Variants in FOXP1 observed in about 807,000 individuals in gnomAD.
FOXP1 encodes forkhead box P1.
Under a neutral mutation model 98.2 loss-of-function variants are expected in FOXP1, and 15 were observed. The observed-to-expected ratio is 0.15, with a 90% CI of 0.10 to 0.24. FOXP1 has a LOEUF of 0.24. Ranked by LOEUF, FOXP1 falls within the 10% of genes least tolerant of loss-of-function variation. The pLI is 1.00. For missense variants in FOXP1, 633 were observed against 848.5 expected (o/e 0.75, Z 3.15); for synonymous variants, 371 against 314.5 (o/e 1.18, Z -1.90).
intron 11 of FOXP1, among the ~76,000 whole-genome samples, chr3:71,017,743 T>C (rs1426491119): frequency 6.6e-6 from 1 of 152,300 alleles, no homozygotes; most frequent in East Asian, 1.9e-4. Flanking sequence ...ATGTTTGTTA[T>C]ATTTGTAGAT....
intron 2 of FOXP1, among the ~76,000 whole-genome samples, chr3:71,538,585 C>A (rs1159147333): frequency 6.6e-5 from 10 of 152,210 alleles, no homozygotes; most frequent in Admixed American, 6.5e-5. Flanking sequence ...GTTGTCTCCA[C>A]TCTTTGGCTA....
chr3:71,164,874 C>T (rs995712569), intron 6 of FOXP1, among the ~76,000 whole-genome samples: 2 of 152,084 alleles, frequency 1.3e-5, no homozygotes, highest in African/African-American at 2.4e-5. Flanking sequence ...TACATTCCAG[C>T]GCATTATACT....
chr3:71,349,203 A>G (rs1224652030), intron 4 of FOXP1, among the ~76,000 whole-genome samples: 1 of 152,226 alleles, frequency 6.6e-6, no homozygotes, highest in African/African-American at 2.4e-5. Context: ...AAATTCCAAG[A>G]TTTTATGTAT....
intron 4 of FOXP1, among the ~76,000 whole-genome samples, chr3:71,304,225 C>A (rs2074088698): frequency 1.3e-5 from 2 of 152,198 alleles, no homozygotes; most frequent in Non-Finnish European, 2.9e-5. Context: ...CAGCCCCCCA[C>A]TCACTCCACA....
intron 14 of FOXP1, among the ~76,000 whole-genome samples, chr3:70,983,483 T>C (rs2039228005): frequency 6.6e-6 from 1 of 152,186 alleles, no homozygotes. Flanking sequence ...TAAAAACTCT[T>C]TCAAAACAGT....
At chr3:71,052,033 C>A (rs1261271463) in intron 9 of FOXP1, among the ~76,000 whole-genome samples, 1 of 152,216 alleles carries the variant, frequency 6.6e-6, no homozygotes, top group Non-Finnish European at 1.5e-5. Context: ...TTATGTACAA[C>A]TTGCAGGAAG....
intron 2 of FOXP1, among the ~76,000 whole-genome samples, chr3:71,527,695 C>T (rs1052775784): frequency 2.0e-5 from 3 of 152,070 alleles, no homozygotes; most frequent in Non-Finnish European, 4.4e-5. Flanking sequence ...CTGTGTTTCC[C>T]CCGACAATCT....
intron 5 of FOXP1, among the ~76,000 whole-genome samples, chr3:71,264,116 A>G (rs2069420019): frequency 6.6e-6 from 1 of 152,166 alleles, no homozygotes; most frequent in Non-Finnish European, 1.5e-5. Context: ...TTTAATACTT[A>G]CATACAACTA....
intron 6 of FOXP1, among the ~76,000 whole-genome samples, chr3:71,161,566 A>C (rs1247429705): frequency 6.6e-6 from 1 of 152,228 alleles, no homozygotes; most frequent in African/African-American, 2.4e-5. Flanking sequence ...GCCCAGAGTA[A>C]ATGTGAGAAG....
At chr3:71,482,367 C>CTTTT (rs11464442) in intron 3 of FOXP1, among the ~76,000 whole-genome samples, 5 of 114,156 alleles carry the variant, frequency 4.4e-5, no homozygotes, top group African/African-American at 6.7e-5. Flanking sequence ...AATACATAAC[C>CTTTT]TTTTTTTTTT....
rs886058825 is a variant in FOXP1, at chr3:70,955,826, A to ACG, written c.*3419_*3420dup. The stretch of plus-strand genomic sequence containing the variant: ...TCAAAAAACAGATTAACACACACGC[A>ACG]CGCGCGCACACACACACACACACAC... On this transcript the variant is annotated 3_prime_UTR_variant, in exon 21 of 21. Coordinates refer to ENST00000649528, the MANE Select transcript of FOXP1 (RefSeq NM_001349338.3). 29 of 223,926 alleles carry ACG rather than the reference A, an allele frequency of 1.3e-4. No individual in the cohort carries two copies. The highest frequency in any genetic ancestry group is 1.9e-4 in the African/African-American group (7 of 37,580). The allele number at this position is 223,926 out of a possible 1,614,324, so 13.9% of individuals were successfully genotyped here.
At chr3:71,214,987 A>G (rs536585835) in intron 5 of FOXP1, among the ~76,000 whole-genome samples, 5 of 152,352 alleles carry the variant, frequency 3.3e-5, no homozygotes, top group African/African-American at 9.6e-5. Flanking sequence ...TTCTGTGGAC[A>G]GCCGCAAAGG....
At chr3:71,081,368 T>A (rs1233078829) in intron 7 of FOXP1, among the ~76,000 whole-genome samples, 1 of 152,148 alleles carries the variant, frequency 6.6e-6, no homozygotes, top group Admixed American at 6.5e-5. Context: ...GAAACTCTGA[T>A]CTGGAATAGA....
chr3:71,427,432 G>A (rs555973390), intron 3 of FOXP1, among the ~76,000 whole-genome samples: 4 of 152,344 alleles, frequency 2.6e-5, no homozygotes, highest in East Asian at 3.9e-4. Flanking sequence ...TAAAGCTAGC[G>A]AGAACTGGAA....
intron 5 of FOXP1, among the ~76,000 whole-genome samples, chr3:71,290,974 T>C (rs1041502938): frequency 9.9e-5 from 15 of 152,238 alleles, no homozygotes; most frequent in Non-Finnish European, 1.5e-5. Context: ...ACTTGCTCTC[T>C]TTAGAATAGG....
chr3:71,443,483 C>T (rs2086132816), intron 3 of FOXP1, among the ~76,000 whole-genome samples: 2 of 152,232 alleles, frequency 1.3e-5, no homozygotes, highest in Admixed American at 1.3e-4. Flanking sequence ...GTCGGTCTAA[C>T]AAGCCCTCCA....
intron 6 of FOXP1, among the ~76,000 whole-genome samples, chr3:71,188,328 C>T (rs1014189494): frequency 6.6e-6 from 1 of 151,908 alleles, no homozygotes; most frequent in African/African-American, 2.4e-5. Context: ...GTGGAGAGAC[C>T]GAAGTTGAAG....
intron 4 of FOXP1, among the ~76,000 whole-genome samples, chr3:71,342,766 G>A (rs1338637170): frequency 6.6e-6 from 1 of 151,168 alleles, no homozygotes. Flanking sequence ...AATAATTACA[G>A]ACCACAAGAA....
At chr3:71,386,705 T>C (rs1165889566) in intron 3 of FOXP1, among the ~76,000 whole-genome samples, 2 of 134,550 alleles carry the variant, frequency 1.5e-5, no homozygotes, top group Non-Finnish European at 3.0e-5. Flanking sequence ...ATGGTGCCAC[T>C]GCACTCTAGC....
Sources: gnomAD v4.1 joint callset for allele counts (sites outside exome capture counted in the v4.1 genomes callset) on GRCh38, gnomAD v4.1.1 for gene constraint, MANE v1.5 for transcripts, NCBI Gene and HGNC (gene_info 2026-07-23, HGNC 2026-07-21) for gene names.